The following KIF15 variants were observed in gnomAD, a reference collection of about 807,000 sequenced individuals.
The protein encoded by KIF15 is kinesin-like protein KIF15.
In KIF15, 140 loss-of-function variants were observed where a neutral mutation model predicts 190.6. That is an observed-to-expected ratio of 0.73 (90% CI 0.64 to 0.84). The LOEUF (loss-of-function observed/expected upper bound fraction) is 0.84. Ranked by LOEUF, KIF15 falls within the 40% of genes least tolerant of loss-of-function variation. The pLI is 0.00. For synonymous variants in KIF15, 528 were observed against 551.3 expected (o/e 0.96, Z 0.59); for missense variants, 1,372 against 1,584.4 (o/e 0.87, Z 2.28).
At chr3:44,786,205 G>T (rs1165710224) in intron 6 of KIF15, among the ~76,000 whole-genome samples, 190 bp from the exon 7 acceptor site, 2 of 152,130 alleles carry the variant, frequency 1.3e-5, no homozygotes, top group Non-Finnish European at 2.9e-5. Context: ...AACAGAGTGA[G>T]ACTCCATCTC....
intron 5 of KIF15, among the ~76,000 whole-genome samples, chr3:44,781,514 T>C (rs1042596429): frequency 1.3e-5 from 2 of 152,226 alleles, no homozygotes; most frequent in African/African-American, 4.8e-5. Flanking sequence ...ATACGAATAA[T>C]GTTGCTGTGA....
chr3:44,824,607 T>C (rs927258117), intron 20 of KIF15, among the ~76,000 whole-genome samples: 32 of 152,228 alleles, frequency 2.1e-4, no homozygotes, highest in Non-Finnish European at 4.4e-5. Flanking sequence ...CAAACTATTT[T>C]GTGTAATTTG....
intron 24 of KIF15, among the ~76,000 whole-genome samples, chr3:44,829,336 A>G (rs181334469): frequency 0.018 from 2,713 of 148,634 alleles, 72 homozygotes; most frequent in African/African-American, 0.063. Flanking sequence ...CAGCCTGGGC[A>G]ACACAGCGAG....
intron 1 of KIF15, among the ~76,000 whole-genome samples, chr3:44,768,410 GA>G (rs1252340130): frequency 6.6e-6 from 1 of 152,112 alleles, no homozygotes; most frequent in African/African-American, 2.4e-5. Flanking sequence ...GAGGAGAGTG[GA>G]ATTTATTAAA....
At chr3:44,811,240 T>C (rs1707770473) in intron 17 of KIF15, among the ~76,000 whole-genome samples, 197 bp downstream of exon 17, 1 of 152,232 alleles carries the variant, frequency 6.6e-6, no homozygotes, top group African/African-American at 2.4e-5. Flanking sequence ...TTACAATCTT[T>C]AGCAAGTCAT....
intron 3 of KIF15, among the ~76,000 whole-genome samples, chr3:44,777,724 CT>C (rs1458125695): frequency 6.6e-6 from 1 of 152,034 alleles, no homozygotes; most frequent in African/African-American, 2.4e-5. Context: ...GTTGGGAGTT[CT>C]TGCATTTGTA....
intron 6 of KIF15, among the ~76,000 whole-genome samples, chr3:44,785,776 G>A (rs766861073): frequency 3.9e-5 from 6 of 152,164 alleles, no homozygotes; most frequent in Non-Finnish European, 8.8e-5. Flanking sequence ...ACTTTATGAG[G>A]ACATCAAATA....
chr3:44,784,322 G>A (rs1412618120), intron 5 of KIF15, among the ~76,000 whole-genome samples: 2 of 151,632 alleles, frequency 1.3e-5, no homozygotes, highest in African/African-American at 4.8e-5. Context: ...ACAGGCGCCC[G>A]CTACCACGCC....
chr3:44,828,264 G>T lies in KIF15; in HGVS notation c.2907G>T (p.Val969=). The T allele has an allele frequency of 6.2e-7, 1 of 1,613,676 alleles. No individual in the cohort carries two copies. The highest frequency in any genetic ancestry group is 8.5e-7 in the Non-Finnish European group (1 of 1,179,654). Residue 969 remains valine, a synonymous_variant, in exon 24 of 35, where the codon GTG becomes GTT. Coordinates refer to ENST00000326047, the MANE Select transcript of KIF15 (RefSeq NM_020242.3). ...AGAGCTTGCTTGCTACTGAAAAAGT[G>T]ATCAGTTCCCTGGAAAAGTCTAGAG... ...LEESLLATEK[V]ISSLEKSRDS...
At chr3:44,813,961 G>A (rs967760516) in intron 19 of KIF15, among the ~76,000 whole-genome samples, 1 of 152,218 alleles carries the variant, frequency 6.6e-6, no homozygotes, top group Non-Finnish European at 1.5e-5. Flanking sequence ...GAAGTGTCTT[G>A]AATTCATGAA....
chr3:44,773,921 C>T (rs993804339), intron 1 of KIF15, among the ~76,000 whole-genome samples: 3 of 152,084 alleles, frequency 2.0e-5, no homozygotes, highest in Admixed American at 6.6e-5. Flanking sequence ...GGAGGTCCTG[C>T]GAACAGGCTC....
At chr3:44,836,979 G>C (rs1698353537) in intron 26 of KIF15, among the ~76,000 whole-genome samples, 1 of 152,184 alleles carries the variant, frequency 6.6e-6, no homozygotes. Context: ...TTGTCCAGTT[G>C]CCATGATCTG....
At chr3:44,802,040 A>G in intron 13 of KIF15, 66 bp downstream of exon 13, 11 of 1,128,352 alleles carry the variant, frequency 9.7e-6, no homozygotes, top group Non-Finnish European at 1.4e-5. Flanking sequence ...TAAGTTTGTC[A>G]GCAAGTACTT....
chr3:44,792,280 A>G (rs574174550), intron 7 of KIF15, among the ~76,000 whole-genome samples: 79 of 152,032 alleles, frequency 5.2e-4, no homozygotes, highest in Admixed American at 1.1e-3. Flanking sequence ...GTTCAAGACC[A>G]GCCTGGCCAA....
intron 6 of KIF15, among the ~76,000 whole-genome samples, chr3:44,866,120 T>C (rs1256339946): frequency 6.7e-6 from 1 of 150,262 alleles, no homozygotes; most frequent in Non-Finnish European, 1.5e-5. Context: ...TCACCCAGGC[T>C]GGAGTGCAGT....
In KIF15 at chr3:44,815,088, C is replaced by A; in HGVS notation, c.2549+12C>A. ...TTAGATAATCTCAGGTAGAGTTGTTCTTTTATGGTTTCAAGTTGCCTGATT... is the reference window on the plus strand; with the variant it reads ...TTAGATAATCTCAGGTAGAGTTGTTATTTTATGGTTTCAAGTTGCCTGATT... On this transcript the variant is annotated intron_variant, in intron 20 of 34. Coordinates refer to ENST00000326047, the MANE Select transcript of KIF15 (RefSeq NM_020242.3). 1.3e-6 allele frequency: 2 copies of A among 1,548,356 alleles called. No individual in the cohort carries two copies. The highest frequency in any genetic ancestry group is 1.3e-5 in the South Asian group (1 of 79,990).
intron 1 of KIF15, among the ~76,000 whole-genome samples, chr3:44,766,807 CTTTT>C (rs766382105): frequency 1.2e-4 from 14 of 118,538 alleles, no homozygotes; most frequent in African/African-American, 4.1e-4. Flanking sequence ...TTCTTTCTTT[CTTTT>C]TTTTTTTTTT....
intron 20 of KIF15, among the ~76,000 whole-genome samples, chr3:44,817,356 G>A (rs1416878512): frequency 6.6e-6 from 1 of 152,128 alleles, no homozygotes; most frequent in Non-Finnish European, 1.5e-5. Flanking sequence ...TTTTCTTCTA[G>A]GGTTTTTATG....
intron 5 of KIF15, among the ~76,000 whole-genome samples, chr3:44,784,567 C>T (rs981136460): frequency 2.0e-5 from 3 of 152,156 alleles, no homozygotes; most frequent in African/African-American, 7.2e-5. Context: ...TAGTAATTAG[C>T]CTATGGTCAC....
Sources: gnomAD v4.1 joint callset for allele counts (sites outside exome capture counted in the v4.1 genomes callset) on GRCh38, gnomAD v4.1.1 for gene constraint, MANE v1.5 for transcripts, NCBI Gene and HGNC (gene_info 2026-07-23, HGNC 2026-07-21) for gene names.